ARHGEF18: variants seen among roughly 807,000 people sequenced by gnomAD.
ARHGEF18 encodes rho guanine nucleotide exchange factor 18.
ARHGEF18 carries 93 observed loss-of-function variants against 155.7 expected under a neutral mutation model. The ratio of observed to expected loss-of-function variants is 0.60; its 90% CI spans 0.50 to 0.71. The LOEUF (loss-of-function observed/expected upper bound fraction) is 0.71. Ranked by LOEUF, ARHGEF18 falls within the 30% of genes least tolerant of loss-of-function variation. The pLI is 0.00. For synonymous variants in ARHGEF18, 742 were observed against 753.1 expected (o/e 0.99, Z 0.24); for missense variants, 1,593 against 1,816.1 (o/e 0.88, Z 2.23).
At chr19:7,392,210 C>T in intron 10 of ARHGEF18, among the ~76,000 whole-genome samples, 1 of 135,148 alleles carries the variant, frequency 7.4e-6, no homozygotes, top group East Asian at 2.1e-4. Flanking sequence ...CACTGCACTC[C>T]AGCTTGGGCA....
At chr19:7,435,789 G>A (rs1415680735) in intron 10 of ARHGEF18, among the ~76,000 whole-genome samples, 1 of 152,112 alleles carries the variant, frequency 6.6e-6, no homozygotes, top group Non-Finnish European at 1.5e-5. Context: ...TTCAGTGGCC[G>A]CATGTGTTCC....
At chr19:7,368,363 T>C (rs1472451400) in intron 2 of ARHGEF18, among the ~76,000 whole-genome samples, 3 of 151,938 alleles carry the variant, frequency 2.0e-5, no homozygotes, top group African/African-American at 4.8e-5. Flanking sequence ...CTCTTTGGGG[T>C]GTCAGGGCCA....
At chr19:7,445,660 C>T (rs374186510) in intron 14 of ARHGEF18, among the ~76,000 whole-genome samples, 447 of 152,292 alleles carry the variant, frequency 2.9e-3, no homozygotes, top group South Asian at 0.014. Flanking sequence ...CACTCTGTCG[C>T]CCAGGCTGGA....
chr19:7,465,964 A>G (rs1976581494), intron 23 of ARHGEF18, among the ~76,000 whole-genome samples: 1 of 151,918 alleles, frequency 6.6e-6, no homozygotes, highest in Non-Finnish European at 1.5e-5. Context: ...GATACCTGTA[A>G]TCCCAGCTAC....
At chr19:7,356,149 T>C (rs966818500) in intron 1 of ARHGEF18, among the ~76,000 whole-genome samples, 1 of 151,838 alleles carries the variant, frequency 6.6e-6, no homozygotes, top group Non-Finnish European at 1.5e-5. Context: ...CATCGGCTGG[T>C]GCTCTCTCTC....
At chr19:7,378,841 C>T (rs1226825902) in intron 6 of ARHGEF18, among the ~76,000 whole-genome samples, 3 of 151,886 alleles carry the variant, frequency 2.0e-5, no homozygotes, top group Non-Finnish European at 1.5e-5. Flanking sequence ...TACAGGCGCC[C>T]GCCACCACGC....
At chr19:7,376,583 G>A (rs1014034427) in intron 4 of ARHGEF18, 60 bp from the exon 5 acceptor site, 8 of 1,145,110 alleles carry the variant, frequency 7.0e-6, no homozygotes, top group Non-Finnish European at 8.8e-6. Flanking sequence ...CTCAATCCAG[G>A]GAACCTGCCT....
chr19:7,375,942 A>C, intron 4 of ARHGEF18, 72 bp downstream of exon 4: 5 of 1,231,488 alleles, frequency 4.1e-6, no homozygotes, highest in Non-Finnish European at 5.1e-6. Flanking sequence ...ATAGGTAGGA[A>C]GGAGAGACTT....
At chr19:7,358,567 T>C (rs1217209161) in intron 1 of ARHGEF18, among the ~76,000 whole-genome samples, 2 of 152,302 alleles carry the variant, frequency 1.3e-5, no homozygotes, top group Admixed American at 1.3e-4. Context: ...CATCCATCCA[T>C]CCATCCAACC....
At position 7,376,728 on chromosome 19, in the gene ARHGEF18, G is replaced by A. The variant is rs1313653871; in HGVS notation, c.512G>A (p.Gly171Asp). The A allele has an allele frequency of 6.5e-6, 8 of 1,234,342 alleles. No individual in the cohort carries two copies. The highest frequency in any genetic ancestry group is 3.1e-5 in the African/African-American group (2 of 64,514). The allele number at this position is 1,234,342 out of a possible 1,614,324, so 76.5% of individuals were successfully genotyped here. A position where few individuals can be genotyped will look rare whatever the true frequency, so the allele number is the denominator to read the frequency against. ...YEIRSPEISP[G>D]LEVPTPPVQG... is the part of the protein sequence containing the mutation. The stretch of plus-strand genomic sequence containing the variant: ...ATCCGCTCTCCGGAAATCTCTCCGG[G>A]TTTGGAAGTGCCCACTCCACCTGTT... The change falls in exon 5 of 29, where the codon GGT becomes GAT. Residue 171 changes from glycine (G) to aspartate (D), a missense_variant. Transcript: ENST00000668164.
At chr19:7,397,962 T>C (rs987684479) in intron 10 of ARHGEF18, among the ~76,000 whole-genome samples, 1 of 152,204 alleles carries the variant, frequency 6.6e-6, no homozygotes, top group Non-Finnish European at 1.5e-5. Flanking sequence ...GAGGAGCGGA[T>C]GTTAAGCACT....
At position 7,372,844 on chromosome 19, in the gene ARHGEF18, T is replaced by C. The variant is rs1970266103; in HGVS notation, c.48T>C (p.Ser16=). 8.9e-6 allele frequency: 11 copies of C among 1,234,244 alleles called. No homozygotes were observed. Among genetic ancestry groups the C allele is most frequent in the Non-Finnish European group, 1.1e-5 (11 of 988,216 alleles). The allele number at this position is 1,234,244 out of a possible 1,614,324, so 76.5% of individuals were successfully genotyped here. A position where few individuals can be genotyped will look rare whatever the true frequency, so the allele number is the denominator to read the frequency against. ...EDDFPRRLSE[S]MEDLSLDLGA... Reference sequence around the variant, plus strand: ...ATTTTCCCAGGCGGCTCAGCGAGAGTATGGAGGACCTCAGCCTGGATTTGG... The same window carrying C: ...ATTTTCCCAGGCGGCTCAGCGAGAGCATGGAGGACCTCAGCCTGGATTTGG... Residue 16 remains serine, a synonymous_variant, in exon 3 of 29, where the codon AGT becomes AGC. Coordinates refer to ENST00000668164, the MANE Select transcript of ARHGEF18 (RefSeq NM_001367823.1).
In ARHGEF18 at chr19:7,458,613, G is replaced by A. The variant is rs368721501; in HGVS notation, c.2283G>A (p.Pro761=). ...TGATCAGCGCCTCCTTGCAAGGGCC[G>A]GAGATGTATGAAATCTACACGAGCT... The part of the protein sequence containing the change: ...MFLISASLQG[P]EMYEIYTSSK... The change falls in exon 19 of 29, where the codon CCG becomes CCA. Residue 761 remains proline, a synonymous_variant. Coordinates refer to ENST00000668164, the MANE Select transcript of ARHGEF18 (RefSeq NM_001367823.1). The A allele has an allele frequency of 2.4e-5, 39 of 1,614,068 alleles. No individual in the cohort carries two copies. Among genetic ancestry groups the A allele is most frequent in the Middle Eastern group, 3.3e-4 (2 of 6,084 alleles).
intron 2 of ARHGEF18, among the ~76,000 whole-genome samples, chr19:7,363,802 T>A (rs997353163): frequency 1.2e-4 from 17 of 145,548 alleles, no homozygotes; most frequent in African/African-American, 4.4e-4. Context: ...GAAGGAAGGA[T>A]GGATGGATAA....
downstream of ARHGEF18, chr19:7,477,426 G>C: frequency 6.9e-7 from 1 of 1,450,954 alleles, no homozygotes; most frequent in Non-Finnish European, 9.0e-7. Flanking sequence ...CGCTTGCCCC[G>C]GGGCAGCGGG....
At chr19:7,401,484 T>C (rs544353630) in intron 10 of ARHGEF18, among the ~76,000 whole-genome samples, 2 of 152,266 alleles carry the variant, frequency 1.3e-5, no homozygotes, top group Admixed American at 1.3e-4. Flanking sequence ...GACAGGGGTC[T>C]TACCATGTTG....
intron 10 of ARHGEF18, among the ~76,000 whole-genome samples, chr19:7,419,553 C>G (rs980271225): frequency 6.6e-6 from 1 of 152,102 alleles, no homozygotes; most frequent in Non-Finnish European, 1.5e-5. Context: ...CCTACCCTTG[C>G]CTGCTGCAGG....
At position 7,469,926 on chromosome 19, in the gene ARHGEF18, G is replaced by A. The variant is rs1476501301; in HGVS notation, c.3810G>A (p.Gln1270=). 2 of 1,613,002 alleles carry A rather than the reference G, an allele frequency of 1.2e-6. No individual in the cohort carries two copies. Among genetic ancestry groups the A allele is most frequent in the Non-Finnish European group, 1.7e-6 (2 of 1,179,866 alleles). The stretch of plus-strand genomic sequence containing the variant: ...CAGCGTCCTTCGACCTGAAGCAGCA[G>A]CTGCTGCTCAACAAGCTCATGGGGA... ...ESSASFDLKQ[Q]LLLNKLMGKD... Residue 1270 remains glutamine, a synonymous_variant, in exon 28 of 29, where the codon CAG becomes CAA. Transcript: ENST00000668164.
chr19:7,387,228 C>T (rs553019324), intron 10 of ARHGEF18, among the ~76,000 whole-genome samples: 78 of 152,176 alleles, frequency 5.1e-4, no homozygotes, highest in African/African-American at 1.8e-3. Context: ...TCTCAGCTCA[C>T]TGCAAGCTCT....
Sources: gnomAD v4.1 joint callset for allele counts (sites outside exome capture counted in the v4.1 genomes callset) on GRCh38, gnomAD v4.1.1 for gene constraint, MANE v1.5 for transcripts, NCBI Gene and HGNC (gene_info 2026-07-23, HGNC 2026-07-21) for gene names.